The following MBD5 variants were observed in gnomAD, a reference collection of about 807,000 sequenced individuals.
MBD5 encodes the protein methyl-CpG-binding domain protein 5.
A neutral mutation model predicts 117.3 loss-of-function variants in MBD5; 13 were observed. The ratio of observed to expected loss-of-function variants is 0.11; its 90% CI spans 0.07 to 0.18. The LOEUF is 0.18. MBD5 is among the 10% of genes least tolerant of loss of function. The probability of loss-of-function intolerance (pLI) is 1.00; values close to 1 mark genes in which losing one functional copy is unlikely to be tolerated. For synonymous variants in MBD5, 727 were observed against 766.4 expected, an observed-to-expected ratio of 0.95 and a Z score of 0.85; for missense variants, 1,879 against 2,093.8, an observed-to-expected ratio of 0.90 and a Z score of 2.00.
Position 148,515,672 on chromosome 2 carries a change from G to T in MBD5, c.*2731G>T, listed in dbSNP as rs1311522181. 1 of 151,998 alleles carries T rather than the reference G, an allele frequency of 6.6e-6. No homozygotes were observed. The highest frequency in any genetic ancestry group is 1.5e-5 in the Non-Finnish European group (1 of 67,964). 9.4% of individuals were successfully genotyped at this position (151,998 alleles called of 1,614,324 possible). A position where few individuals can be genotyped will look rare whatever the true frequency, so the allele number is the denominator to read the frequency against. On this transcript the variant is annotated 3_prime_UTR_variant, in exon 14 of 14. Transcript: ENST00000642680. ...TTATTCCCTAAAATAAACTTTTTAA[G>T]AAACAAATCCAAGAATGGAAACAGA...
chr2:148,031,200 T>C (rs536789180), intron 1 of MBD5, among the ~76,000 whole-genome samples: 1 of 152,216 alleles, frequency 6.6e-6, no homozygotes, highest in Non-Finnish European at 1.5e-5. Context: ...AATCAGGTAC[T>C]GGTTTGAATA....
intron 1 of MBD5, among the ~76,000 whole-genome samples, chr2:148,132,169 TGA>T (rs1044976080): frequency 6.6e-6 from 1 of 152,038 alleles, no homozygotes; most frequent in East Asian, 1.9e-4. Flanking sequence ...CCTCGCACAT[TGA>T]AAGTGTTTAA....
chr2:148,234,592 A>T (rs1369823398), intron 3 of MBD5, among the ~76,000 whole-genome samples: 1 of 152,180 alleles, frequency 6.6e-6, no homozygotes, highest in East Asian at 1.9e-4. Context: ...TGCAGTCAAC[A>T]GAGTTTATGG....
chr2:148,155,665 C>G (rs1222033440), intron 1 of MBD5, among the ~76,000 whole-genome samples: 1 of 152,174 alleles, frequency 6.6e-6, no homozygotes. Context: ...ATGCCGTATT[C>G]AACACTCATT....
intron 1 of MBD5, among the ~76,000 whole-genome samples, chr2:148,102,727 C>CAGAG (rs1430927071): frequency 3.2e-5 from 2 of 62,858 alleles, no homozygotes; most frequent in African/African-American, 1.0e-4. Flanking sequence ...CACACACACA[C>CAGAG]ACAGAGAGAG....
At chr2:148,043,965 G>C (rs2105704893) in intron 1 of MBD5, among the ~76,000 whole-genome samples, 1 of 152,268 alleles carries the variant, frequency 6.6e-6, no homozygotes, top group Admixed American at 6.5e-5. Flanking sequence ...CAGAATAATT[G>C]AGGTCGGATC....
At chr2:148,384,968 G>A (rs4617560) in intron 4 of MBD5, among the ~76,000 whole-genome samples, 2 of 152,128 alleles carry the variant, frequency 1.3e-5, no homozygotes, top group Non-Finnish European at 2.9e-5. Context: ...AATTCAAGAT[G>A]GATTAAAGGC....
At chr2:148,496,951 A>G (rs936336461) in intron 11 of MBD5, among the ~76,000 whole-genome samples, 7 of 152,224 alleles carry the variant, frequency 4.6e-5, no homozygotes, top group African/African-American at 1.7e-4. Context: ...TTTTTACTCT[A>G]AATTATTTAT....
intron 4 of MBD5, among the ~76,000 whole-genome samples, chr2:148,356,021 G>A (rs1005976952): frequency 2.6e-5 from 4 of 152,120 alleles, no homozygotes; most frequent in Admixed American, 1.3e-4. Context: ...AGTTCTACTT[G>A]AAGAGGTCCT....
chr2:148,462,092 C>T (rs1478925651), intron 5 of MBD5, among the ~76,000 whole-genome samples: 1 of 152,144 alleles, frequency 6.6e-6, no homozygotes, highest in African/African-American at 2.4e-5. Flanking sequence ...CAACTTGGTT[C>T]TAGATTCCAA....
chr2:148,395,426 C>CTTTTTT (rs397758785), intron 4 of MBD5, among the ~76,000 whole-genome samples: 3 of 123,980 alleles, frequency 2.4e-5, no homozygotes, highest in Non-Finnish European at 3.3e-5. Context: ...CCCAACTCAT[C>CTTTTTT]TTTTTTTTTT....
At chr2:148,175,138 G>A (rs760740377) in intron 1 of MBD5, among the ~76,000 whole-genome samples, 1 of 152,124 alleles carries the variant, frequency 6.6e-6, no homozygotes, top group African/African-American at 2.4e-5. Flanking sequence ...AGAATATTAA[G>A]TATTTGAGGT....
chr2:148,470,828 C>T (rs1351832281), intron 8 of MBD5: 2 of 234,676 alleles, frequency 8.5e-6, no homozygotes, highest in African/African-American at 4.5e-5. Context: ...AGCCATCTCC[C>T]TAGCTTTTGT....
chr2:148,489,632 C>G lies in MBD5; in HGVS notation c.4000C>G (p.Gln1334Glu). ...TGTCGATGCAGCCAGCAAAGGAATGCAGGTTGTCATCACCACTGCAGTCAA... is the reference window on the plus strand; with the variant it reads ...TGTCGATGCAGCCAGCAAAGGAATGGAGGTTGTCATCACCACTGCAGTCAA... The part of the protein sequence containing the change: ...AVVDAASKGM[Q>E]VVITTAVNST... Residue 1334 changes from glutamine (Q) to glutamate (E), a missense_variant, in exon 11 of 14, where the codon CAG becomes GAG. This residue lies in a region of MBD5 where 1,666 missense variants were observed against 1,792.2 expected (regional missense o/e 0.93). Transcript: ENST00000642680. 6.2e-7 allele frequency: 1 copy of G among 1,614,158 alleles called. No homozygotes were observed. The highest frequency in any genetic ancestry group is 8.5e-7 in the Non-Finnish European group (1 of 1,180,026).
At chr2:148,127,590 C>T (rs575644298) in intron 1 of MBD5, among the ~76,000 whole-genome samples, 1 of 152,296 alleles carries the variant, frequency 6.6e-6, no homozygotes, top group East Asian at 1.9e-4. Flanking sequence ...GCATCGTATT[C>T]CATGGTATAT....
intron 4 of MBD5, among the ~76,000 whole-genome samples, chr2:148,354,906 GA>G (rs1367432747): frequency 2.0e-5 from 3 of 151,654 alleles, no homozygotes; most frequent in African/African-American, 7.3e-5. Context: ...CTTCTTTTGA[GA>G]AGTGTCTGTT....
At chr2:148,312,443 G>T (rs1331314029) in intron 3 of MBD5, among the ~76,000 whole-genome samples, 1 of 151,878 alleles carries the variant, frequency 6.6e-6, no homozygotes, top group Non-Finnish European at 1.5e-5. Flanking sequence ...GATCGATTCG[G>T]CTATTGATAC....
At chr2:148,504,986 C>T (rs1681987338) in intron 12 of MBD5, among the ~76,000 whole-genome samples, 1 of 151,944 alleles carries the variant, frequency 6.6e-6, no homozygotes, top group Non-Finnish European at 1.5e-5. Flanking sequence ...TTTAAGGCAA[C>T]AATATTGAAG....
At chr2:148,429,052 A>T (rs1158033280) in intron 4 of MBD5, among the ~76,000 whole-genome samples, 1 of 152,200 alleles carries the variant, frequency 6.6e-6, no homozygotes, top group Non-Finnish European at 1.5e-5. Context: ...ATCAGAGTGA[A>T]CAGGCCACCT....
Sources: allele counts gnomAD v4.1 joint callset (sites outside exome capture counted in the v4.1 genomes callset), GRCh38; gene constraint gnomAD v4.1.1; regional missense constraint gnomAD v4.1.1; transcripts MANE v1.5; gene names NCBI Gene and HGNC (gene_info 2026-07-23, HGNC 2026-07-21).